MTUS1: variants seen among roughly 807,000 people sequenced by gnomAD.
MTUS1 encodes microtubule-associated tumor suppressor 1.
MTUS1 carries 109 observed loss-of-function variants against 120.8 expected under a neutral mutation model. The ratio of observed to expected loss-of-function variants is 0.90; its 90% CI spans 0.77 to 1.06. The LOEUF is 1.06. MTUS1 is among the 50% of genes least tolerant of loss of function. MTUS1 has a pLI of 0.00. For missense variants in MTUS1, 2,210 were observed against 1,486.3 expected (o/e 1.49, Z -8.01); for synonymous variants, 737 against 550.5 (o/e 1.34, Z -4.74).
intron 1 of MTUS1, among the ~76,000 whole-genome samples, chr8:17,797,193 G>C (rs747427667): frequency 6.6e-6 from 1 of 151,566 alleles, no homozygotes; most frequent in Non-Finnish European, 1.5e-5. Flanking sequence ...GGGAGGATTT[G>C]CTTGAGCCCA....
At chr8:17,694,966 A>T (rs962854269) in intron 6 of MTUS1, among the ~76,000 whole-genome samples, 2 of 152,132 alleles carry the variant, frequency 1.3e-5, no homozygotes, top group African/African-American at 4.8e-5. Context: ...TCACTTGGTC[A>T]CCAGCAGAAT....
intron 1 of MTUS1, among the ~76,000 whole-genome samples, chr8:17,779,773 T>C (rs993212342): frequency 1.3e-5 from 2 of 152,198 alleles, no homozygotes; most frequent in African/African-American, 4.8e-5. Flanking sequence ...TTGATCAACA[T>C]CCAAGTGTTG....
intron 1 of MTUS1, among the ~76,000 whole-genome samples, chr8:17,787,906 A>C (rs1041577282): frequency 5.0e-4 from 76 of 152,184 alleles, no homozygotes; most frequent in Admixed American, 4.3e-3. Context: ...GGATCACCTG[A>C]GTAAGGAGTT....
intron 13 of MTUS1, among the ~76,000 whole-genome samples, chr8:17,647,505 A>T (rs1388518717): frequency 6.6e-6 from 1 of 152,036 alleles, no homozygotes; most frequent in Non-Finnish European, 1.5e-5. Context: ...CTCACAGGCC[A>T]GCAATTCACA....
chr8:17,791,687 T>C (rs550215612), intron 1 of MTUS1, among the ~76,000 whole-genome samples: 1 of 152,316 alleles, frequency 6.6e-6, no homozygotes, highest in Admixed American at 6.5e-5. Context: ...CAATCTCCAA[T>C]GTTTGCTACA....
At chr8:17,799,142 T>C (rs111253557) in intron 1 of MTUS1, among the ~76,000 whole-genome samples, 12 of 152,278 alleles carry the variant, frequency 7.9e-5, no homozygotes, top group African/African-American at 2.9e-4. Flanking sequence ...AAATGGTCAA[T>C]ATGTATGAGG....
intron 7 of MTUS1, among the ~76,000 whole-genome samples, chr8:17,683,188 C>A (rs141973086): frequency 0.032 from 4,814 of 152,238 alleles, 171 homozygotes; most frequent in South Asian, 0.15. Context: ...AGGAGAATGG[C>A]ATGAACCCGG....
chr8:17,655,349 C>G (rs1372221872), intron 9 of MTUS1, among the ~76,000 whole-genome samples: 2 of 150,550 alleles, frequency 1.3e-5, no homozygotes, highest in Non-Finnish European at 3.0e-5. Flanking sequence ...AGGATGTTTA[C>G]AAGGGATTAT....
At chr8:17,650,053 A>G in intron 12 of MTUS1, 91 bp from the exon 13 acceptor site, 1 of 777,988 alleles carries the variant, frequency 1.3e-6, no homozygotes, top group Admixed American at 2.0e-5. Context: ...ACATTAGACA[A>G]GTAGCAAGCG....
chr8:17,742,180 T>C (rs539452360), intron 3 of MTUS1, among the ~76,000 whole-genome samples: 1 of 152,116 alleles, frequency 6.6e-6, no homozygotes, highest in South Asian at 2.1e-4. Flanking sequence ...AGCTTTGAAC[T>C]TCTGGGCTCA....
intron 4 of MTUS1, among the ~76,000 whole-genome samples, chr8:17,718,772 A>G (rs1822828084): frequency 6.6e-6 from 1 of 151,796 alleles, no homozygotes; most frequent in Non-Finnish European, 1.5e-5. Context: ...CCCCATGGCC[A>G]AAGTGTGGTT....
intron 1 of MTUS1, among the ~76,000 whole-genome samples, chr8:17,786,111 G>A (rs988104236): frequency 4.6e-5 from 7 of 152,284 alleles, no homozygotes; most frequent in Middle Eastern, 6.8e-3. Flanking sequence ...AAGCACTCCA[G>A]CCTGGGTGAC....
At chr8:17,786,342 G>A (rs1332335942) in intron 1 of MTUS1, among the ~76,000 whole-genome samples, 1 of 152,042 alleles carries the variant, frequency 6.6e-6, no homozygotes, top group Non-Finnish European at 1.5e-5. Context: ...GTCCTCACCC[G>A]CTGCCATGAT....
intron 7 of MTUS1, among the ~76,000 whole-genome samples, chr8:17,675,567 G>C (rs1812931206): frequency 6.6e-6 from 1 of 152,170 alleles, no homozygotes; most frequent in African/African-American, 2.4e-5. Flanking sequence ...AATGCATACT[G>C]TACTTAAGAT....
At chr8:17,743,513 C>CTT in intron 3 of MTUS1, 91 bp downstream of exon 3, 1 of 1,253,184 alleles carries the variant, frequency 8.0e-7, no homozygotes, top group Non-Finnish European at 1.1e-6. Flanking sequence ...AGGCTAACTG[C>CTT]TTTAGTGACA....
chr8:17,694,133 C>T (rs148607842), intron 6 of MTUS1, among the ~76,000 whole-genome samples: 167 of 152,276 alleles, frequency 1.1e-3, no homozygotes, highest in South Asian at 4.8e-3. Flanking sequence ...CATTAACTCT[C>T]CAGGGCTGGT....
At chr8:17,655,677 T>C (rs1808055433) in intron 9 of MTUS1, among the ~76,000 whole-genome samples, 186 bp downstream of exon 9, 1 of 152,010 alleles carries the variant, frequency 6.6e-6, no homozygotes, top group Admixed American at 6.5e-5. Flanking sequence ...TGAGCCAAGA[T>C]CAAGCCACTG....
rs374398513 is a variant in MTUS1, at chr8:17,675,231, G to T, written c.2860C>A (p.His954Asn). The change falls in exon 8 of 15, where the codon CAC becomes AAC. Residue 954 changes from histidine (H) to asparagine (N), a missense_variant. Physicochemically the swap from His to Asn is moderately conservative, Grantham distance 68. Transcript: ENST00000693296. ...ACAAGTTCTTGAGATAGGGTTTTGT[G>T]TTGTTTCAGTGCTTCCTCCCGCTGC... ...LSEREEALKQ[H>N]KTLSQELVNL... 2 of 1,614,106 alleles carry T rather than the reference G, an allele frequency of 1.2e-6. No homozygotes were observed. The highest frequency in any genetic ancestry group is 3.3e-5 in the Admixed American group (2 of 60,014).
intron 7 of MTUS1, chr8:17,676,458 G>C (rs1012654619): frequency 4.7e-6 from 3 of 634,722 alleles, no homozygotes; most frequent in Non-Finnish European, 8.6e-6. Flanking sequence ...ATTGGCCCTC[G>C]GGCGTCTTAC....
Sources: gnomAD v4.1 joint callset for allele counts (sites outside exome capture counted in the v4.1 genomes callset) on GRCh38, gnomAD v4.1.1 for gene constraint, MANE v1.5 for transcripts, NCBI Gene and HGNC (gene_info 2026-07-23, HGNC 2026-07-21) for gene names.